The following TIAM1 variants were observed in gnomAD, a reference collection of about 807,000 sequenced individuals.
TIAM1 encodes the protein TIAM Rac1 associated GEF 1.
Under a neutral mutation model 163.5 loss-of-function variants are expected in TIAM1, and 65 were observed. The observed-to-expected ratio is 0.40, with a 90% confidence interval of 0.33 to 0.49. The LOEUF (loss-of-function observed/expected upper bound fraction) is 0.49, where lower values mean the gene tolerates loss of function less well. Among genes scored for constraint, TIAM1 ranks in the 20% least tolerant of loss-of-function variants. The pLI, the probability that TIAM1 is intolerant of heterozygous loss-of-function variation, is 0.77. For missense variants in TIAM1, 1,789 were observed against 2,044.7 expected (o/e 0.87, Z 2.41); for synonymous variants, 833 against 810.1 (o/e 1.03, Z -0.48).
intron 2 of TIAM1, among the ~76,000 whole-genome samples, chr21:31,379,976 G>T (rs2076750198): frequency 6.6e-6 from 1 of 152,132 alleles, no homozygotes; most frequent in Non-Finnish European, 1.5e-5. Flanking sequence ...TAAAATTATG[G>T]AACTGGCAGG....
chr21:31,230,097 A>C (rs1359189400), intron 6 of TIAM1, among the ~76,000 whole-genome samples: 1 of 152,102 alleles, frequency 6.6e-6, no homozygotes, highest in Non-Finnish European at 1.5e-5. Context: ...CATATCTTCA[A>C]GGCAAACCTC....
chr21:31,328,128 C>A (rs893056262), intron 2 of TIAM1, among the ~76,000 whole-genome samples: 4 of 152,116 alleles, frequency 2.6e-5, no homozygotes, highest in Non-Finnish European at 5.9e-5. Flanking sequence ...CCAATGTCAC[C>A]CATGCAGTGG....
upstream of TIAM1, among the ~76,000 whole-genome samples, chr21:31,344,591 A>C (rs1287907582): frequency 6.6e-6 from 1 of 152,206 alleles, no homozygotes; most frequent in African/African-American, 2.4e-5. Context: ...AATGTTACAT[A>C]AGCGCCCCCC....
intron 1 of TIAM1, among the ~76,000 whole-genome samples, chr21:31,492,776 T>TACACACACAC (rs3055373): frequency 1.9e-3 from 261 of 139,780 alleles, no homozygotes; most frequent in Middle Eastern, 3.7e-3. Flanking sequence ...TATTTTGGGT[T>TACACACACAC]ACACACACAC....
intron 1 of TIAM1, among the ~76,000 whole-genome samples, chr21:31,473,893 A>G (rs908029880): frequency 6.6e-6 from 1 of 152,184 alleles, no homozygotes; most frequent in African/African-American, 2.4e-5. Flanking sequence ...CTATAAAAAA[A>G]CACCAGAGAC....
At chr21:31,364,158 T>C (rs546877174) in intron 2 of TIAM1, among the ~76,000 whole-genome samples, 13 of 152,318 alleles carry the variant, frequency 8.5e-5, no homozygotes, top group Admixed American at 8.5e-4. Flanking sequence ...GCCGATAGCT[T>C]TCTTAAGTAA....
intron 1 of TIAM1, among the ~76,000 whole-genome samples, chr21:31,485,336 C>G (rs1487630760): frequency 6.6e-6 from 1 of 152,116 alleles, no homozygotes; most frequent in Non-Finnish European, 1.5e-5. Flanking sequence ...TCTTACAACA[C>G]AGAACATAAA....
intron 2 of TIAM1, among the ~76,000 whole-genome samples, chr21:31,408,193 GTGTC>G (rs2077282717): frequency 6.6e-6 from 1 of 152,172 alleles, no homozygotes. Context: ...TGTTTACTAT[GTGTC>G]TGTCTATCCT....
At chr21:31,262,551 G>A (rs1391838276) in intron 4 of TIAM1, among the ~76,000 whole-genome samples, 3 of 152,246 alleles carry the variant, frequency 2.0e-5, no homozygotes, top group South Asian at 2.1e-4. Context: ...TAAAATACAC[G>A]AATTAAACCA....
chr21:31,169,574 T>C (rs1381142239), intron 15 of TIAM1, among the ~76,000 whole-genome samples: 1 of 152,136 alleles, frequency 6.6e-6, no homozygotes, highest in African/African-American at 2.4e-5. Flanking sequence ...TTAAGACTTT[T>C]GAGAAACAAA....
chr21:31,250,163 A>G (rs1192080393), intron 5 of TIAM1, among the ~76,000 whole-genome samples: 1 of 147,734 alleles, frequency 6.8e-6, no homozygotes, highest in Non-Finnish European at 1.5e-5. Context: ...AAAAAAAAAA[A>G]AAAAAAAAGA....
chr21:31,144,437 C>T (rs1037346539), intron 20 of TIAM1, among the ~76,000 whole-genome samples: 2 of 152,256 alleles, frequency 1.3e-5, no homozygotes, highest in Admixed American at 1.3e-4. Context: ...CCAGGAGCGT[C>T]ACTCCTCCAG....
chr21:31,169,796 A>G (rs1397508931), intron 15 of TIAM1, among the ~76,000 whole-genome samples: 1 of 152,198 alleles, frequency 6.6e-6, no homozygotes, highest in Non-Finnish European at 1.5e-5. Context: ...AACTGTAACT[A>G]AAACAATGGT....
intron 2 of TIAM1, among the ~76,000 whole-genome samples, chr21:31,401,390 T>C (rs1251655262): frequency 6.6e-6 from 1 of 152,128 alleles, no homozygotes; most frequent in African/African-American, 2.4e-5. Flanking sequence ...AGCTGGAAGC[T>C]AACACTAGGC....
intron 16 of TIAM1, among the ~76,000 whole-genome samples, chr21:31,155,648 G>A (rs910134496): frequency 2.0e-5 from 3 of 152,144 alleles, no homozygotes; most frequent in Non-Finnish European, 4.4e-5. Flanking sequence ...GGGACTACAG[G>A]CGCCCGCCAC....
rs551501073 is a variant in TIAM1 at position 31,471,870 on chromosome 21, AAATAATAAT to A, written c.-421-7844_-421-7836del. Among the ~76,000 whole-genome samples, 9 of 118,934 alleles carry A rather than the reference AAATAATAAT, an allele frequency of 7.6e-5. No homozygotes were observed. In the East Asian group the frequency reaches 1.1e-3, roughly 14 times the overall value. 78.0% of individuals were successfully genotyped at this position (118,934 alleles called of 152,430 possible). Reference sequence around the variant, plus strand: ...GGCAACAAGAGCGAAACTCCATCTCAAATAATAATAATAATAATAATAATAATAATAAAG... The same window carrying A: ...GGCAACAAGAGCGAAACTCCATCTCAAATAATAATAATAATAATAATAAAG... On this transcript the variant is annotated intron_variant, in intron 1 of 28. Coordinates refer to the TIAM1 transcript ENST00000286827.
intron 1 of TIAM1, among the ~76,000 whole-genome samples, chr21:31,518,591 ATGAG>A (rs1311557342): frequency 6.6e-6 from 1 of 151,984 alleles, no homozygotes; most frequent in Non-Finnish European, 1.5e-5. Flanking sequence ...CCGGCCCTAA[ATGAG>A]TGTTTTTTAA....
At chr21:31,169,100 T>C (rs1281273810) in intron 15 of TIAM1, among the ~76,000 whole-genome samples, 9 of 151,972 alleles carry the variant, frequency 5.9e-5, no homozygotes, top group Non-Finnish European at 1.5e-5. Flanking sequence ...TCAAGACCAG[T>C]GTGGCCAACA....
At chr21:31,146,106 C>T (rs150831115) in intron 20 of TIAM1, among the ~76,000 whole-genome samples, 1 of 152,012 alleles carries the variant, frequency 6.6e-6, no homozygotes, top group Admixed American at 6.6e-5. Flanking sequence ...CAATTCTGGC[C>T]CCAAATAGCA....
Sources: allele counts gnomAD v4.1 joint callset (sites outside exome capture counted in the v4.1 genomes callset), GRCh38; gene constraint gnomAD v4.1.1; transcripts MANE v1.5; gene names NCBI Gene and HGNC (gene_info 2026-07-23, HGNC 2026-07-21).